The following RPE variants were observed in gnomAD, a reference collection of about 807,000 sequenced individuals.
RPE encodes ribulose-5-phosphate-3-epimerase, also known as ribulose-phosphate 3-epimerase.
In RPE, 16 loss-of-function variants were observed where a neutral mutation model predicts 24.6. That is an observed-to-expected ratio of 0.65 (90% confidence interval 0.44 to 0.99). RPE has a LOEUF of 0.99. RPE is among the 50% of genes least tolerant of loss of function. The pLI, the probability that RPE is intolerant of heterozygous loss-of-function variation, is 0.00. For missense variants in RPE, 240 were observed against 294.5 expected, an observed-to-expected ratio of 0.81 and a Z score of 1.35; for synonymous variants, 93 against 98.4, an observed-to-expected ratio of 0.94 and a Z score of 0.33.
intron 2 of RPE, among the ~76,000 whole-genome samples, chr2:210,011,089 G>C (rs1375714362): frequency 1.3e-5 from 2 of 151,978 alleles, no homozygotes; most frequent in Non-Finnish European, 1.5e-5. Context: ...CTCTGTGTAG[G>C]ATCTATCTAC....
At chr2:210,012,231 A>G (rs1328032169) in intron 2 of RPE, among the ~76,000 whole-genome samples, 1 of 152,222 alleles carries the variant, frequency 6.6e-6, no homozygotes, top group African/African-American at 2.4e-5. Flanking sequence ...ACCCACACAA[A>G]TCCTTAAGAC....
At position 210,002,684 on chromosome 2, in the gene RPE, G is replaced by T; in HGVS notation, c.23G>T (p.Gly8Val). The T allele has an allele frequency of 6.2e-7, 1 of 1,613,972 alleles. No homozygotes were observed. The highest frequency in any genetic ancestry group is 8.5e-7 in the Non-Finnish European group (1 of 1,179,858). MASGCKI[G>V]PSILNSDLAN... Reference sequence around the variant, plus strand: ...GGTATGGCGTCGGGCTGCAAGATTGGCCCGTCCATCCTCAACAGCGACCTG... The same window carrying T: ...GGTATGGCGTCGGGCTGCAAGATTGTCCCGTCCATCCTCAACAGCGACCTG... The change falls in exon 1 of 6, where the codon GGC becomes GTC. Residue 8 changes from glycine to valine, a missense_variant. By Grantham distance (109) the Gly-to-Val change is moderately radical (BLOSUM62 -3). Transcript: ENST00000359429.
Position 210,019,702 on chromosome 2 carries a change from A to G in RPE, c.598A>G (p.Ile200Val), listed in dbSNP as rs745735533. 7 of 1,613,320 alleles carry G rather than the reference A, an allele frequency of 4.3e-6. No homozygotes were observed. Among genetic ancestry groups the G allele is most frequent in the East Asian group, 2.2e-5 (1 of 44,870 alleles). ...TAACATGATTGTGTCTGGCAGTGCT[A>G]TTATGAGGAGTGAAGACCCCAGATC... ...GANMIVSGSA[I>V]MRSEDPRSVI... Residue 200 changes from isoleucine (I) to valine (V), a missense_variant, in exon 6 of 6, where the codon ATT becomes GTT. Transcript: ENST00000359429.
chr2:210,020,492 A>C lies in RPE; in HGVS notation c.*701A>C, dbSNP rs2093841840. The stretch of plus-strand genomic sequence containing the variant: ...AAAGTAAAACCTCTGTTTGGAGGTA[A>C]TATTGGGTTGAATTCTGACTGCCCC... On this transcript the variant is annotated 3_prime_UTR_variant, in exon 6 of 6. Coordinates refer to ENST00000359429, the MANE Select transcript of RPE (RefSeq NM_199229.3). 1 of 166,924 alleles carries C rather than the reference A, an allele frequency of 6.0e-6. No homozygotes were observed. Among genetic ancestry groups the C allele is most frequent in the African/African-American group, 2.4e-5 (1 of 41,444 alleles). 10.3% of individuals were successfully genotyped at this position (166,924 alleles called of 1,614,324 possible).
intron 1 of RPE, among the ~76,000 whole-genome samples, chr2:210,006,177 T>C (rs1432454691): frequency 6.6e-6 from 1 of 152,218 alleles, no homozygotes; most frequent in Admixed American, 6.5e-5. Flanking sequence ...GTGAAGTTTC[T>C]CTCTGTTAAG....
chr2:210,015,990 T>C lies in RPE; in HGVS notation c.220T>C (p.Ser74Pro). The change falls in exon 3 of 6, where the codon TCC (serine) becomes CCC (proline). Residue 74 changes from serine to proline, a missense_variant. Physicochemically the swap from Ser to Pro is moderately conservative, Grantham distance 74 (BLOSUM62 -1). Coordinates refer to ENST00000359429, the MANE Select transcript of RPE (RefSeq NM_199229.3). ...CTTTCTAGACATGCACATGATGGTG[T>C]CCAAGCCAGAACAGTGGGTAAAGCC... is the stretch of plus-strand genomic sequence containing the variant. ...DPFFDMHMMV[S>P]KPEQWVKPMA... The C allele has an allele frequency of 2.5e-6, 4 of 1,614,174 alleles. No individual in the cohort carries two copies. Among genetic ancestry groups the C allele is most frequent in the Non-Finnish European group, 3.4e-6 (4 of 1,180,020 alleles).
At chr2:210,009,992 C>G (rs537453699) in intron 2 of RPE, among the ~76,000 whole-genome samples, 3 of 152,292 alleles carry the variant, frequency 2.0e-5, no homozygotes, top group Non-Finnish European at 2.9e-5. Context: ...CTCAGAGAGG[C>G]CTTTTTGAGC....
chr2:210,004,199 AT>A (rs1376537366), intron 1 of RPE, among the ~76,000 whole-genome samples: 1 of 152,194 alleles, frequency 6.6e-6, no homozygotes, highest in Non-Finnish European at 1.5e-5. Context: ...TTGTGAGTCT[AT>A]TTGAGCAATT....
At chr2:210,009,869 A>G in intron 2 of RPE, 133 bp downstream of exon 2, 1 of 1,176,254 alleles carries the variant, frequency 8.5e-7, no homozygotes. Context: ...CATTGGCCTG[A>G]CTCCAGTAAC....
chr2:210,003,272 A>G (rs1324922944), intron 1 of RPE, among the ~76,000 whole-genome samples: 2 of 152,220 alleles, frequency 1.3e-5, no homozygotes, highest in Non-Finnish European at 2.9e-5. Flanking sequence ...TCAGTTTCAT[A>G]ATTTGAAAAA....
intron 2 of RPE, among the ~76,000 whole-genome samples, chr2:210,011,858 T>C (rs909804156): frequency 9.0e-5 from 13 of 143,958 alleles, no homozygotes; most frequent in Non-Finnish European, 1.7e-4. Flanking sequence ...TTTTTTTTAC[T>C]TTTTGTAGAG....
Position 210,022,003 on chromosome 2 carries a change from C to CTTTTTTTT in RPE, c.*2219_*2226dup, listed in dbSNP as rs553479918. The CTTTTTTTT allele has an allele frequency of 7.4e-6, 1 of 134,682 alleles. No homozygotes were observed. The highest frequency in any genetic ancestry group is 2.7e-5 in the African/African-American group (1 of 36,638). The allele number at this position is 134,682 out of a possible 1,614,324, so 8.3% of individuals were successfully genotyped here. The stretch of plus-strand genomic sequence containing the variant: ...CTTGCTAATCTAGAAATACAATCAT[C>CTTTTTTTT]TTTTTTTTTTTTTTCAAATTTTATA... On this transcript the variant is annotated 3_prime_UTR_variant, in exon 6 of 6. Coordinates refer to ENST00000359429, the MANE Select transcript of RPE (RefSeq NM_199229.3).
intron 2 of RPE, among the ~76,000 whole-genome samples, chr2:210,013,003 T>C (rs2125074134): frequency 6.6e-6 from 1 of 152,304 alleles, no homozygotes; most frequent in South Asian, 2.1e-4. Context: ...ATTGATAGGG[T>C]TTACAGAGTG....
intron 5 of RPE, 134 bp downstream of exon 5, chr2:210,017,693 C>A: frequency 3.1e-5 from 19 of 616,588 alleles, no homozygotes; most frequent in Non-Finnish European, 4.3e-5. Context: ...TTTTTGTTCA[C>A]ATGTACAACT....
At chr2:210,017,329 T>C in intron 4 of RPE, 144 bp from the exon 5 acceptor site, 1 of 651,978 alleles carries the variant, frequency 1.5e-6, no homozygotes, top group Non-Finnish European at 2.7e-6. Flanking sequence ...TAATATGTTG[T>C]ATTGGTATAG....
intron 2 of RPE, among the ~76,000 whole-genome samples, chr2:210,013,312 C>CTTT (rs376550426): frequency 7.3e-6 from 1 of 137,082 alleles, no homozygotes; most frequent in Admixed American, 7.4e-5. Context: ...TAGAGTTATC[C>CTTT]TTTTTTTTTT....
intron 1 of RPE, among the ~76,000 whole-genome samples, chr2:210,006,781 A>C (rs1035328005): frequency 6.6e-6 from 1 of 152,244 alleles, no homozygotes; most frequent in Admixed American, 6.5e-5. Context: ...CTAAGTAAAC[A>C]CATGCATCTT....
Position 210,011,714 on chromosome 2 carries a change from C to CA in RPE, c.202+1979dup, listed in dbSNP as rs554611202. 3.4e-4 allele frequency among the ~76,000 whole-genome samples: 51 copies of CA among 152,204 alleles called. No homozygotes were observed. In the East Asian group the frequency reaches 9.1e-3, roughly 27 times the overall value. ...TAAGAGACAGACTCCGTCTATTACC[C>CA]AGGCAAGAGTACAGTGGTACAGTCA... On this transcript the variant is annotated intron_variant, in intron 2 of 5. Coordinates refer to ENST00000359429, the MANE Select transcript of RPE (RefSeq NM_199229.3).
intron 2 of RPE, among the ~76,000 whole-genome samples, chr2:210,012,957 A>G (rs1464024702): frequency 5.9e-5 from 9 of 152,234 alleles, no homozygotes; most frequent in African/African-American, 1.9e-4. Flanking sequence ...TACAAGACAA[A>G]CAATGGGTTT....
Sources: allele counts gnomAD v4.1 joint callset (sites outside exome capture counted in the v4.1 genomes callset), GRCh38; gene constraint gnomAD v4.1.1; transcripts MANE v1.5; gene names NCBI Gene and HGNC (gene_info 2026-07-23, HGNC 2026-07-21).